The following INO80 variants were observed in gnomAD, a reference collection of about 807,000 sequenced individuals.
The protein encoded by INO80 is INO80 complex ATPase subunit, also known as chromatin-remodeling ATPase INO80.
A neutral mutation model predicts 203.4 loss-of-function variants in INO80; 20 were observed. That is an observed-to-expected ratio of 0.10 (90% CI 0.07 to 0.14). INO80 has a LOEUF of 0.14. Among genes scored for constraint, INO80 ranks in the 10% least tolerant of loss-of-function variants. The pLI, the probability that INO80 is intolerant of heterozygous loss-of-function variation, is 1.00. For synonymous variants in INO80, 726 were observed against 685.2 expected (o/e 1.06, Z -0.93); for missense variants, 1,419 against 1,914.4 (o/e 0.74, Z 4.83).
chr15:41,026,953 C>A (rs1029521409), intron 25 of INO80, among the ~76,000 whole-genome samples: 1 of 152,218 alleles, frequency 6.6e-6, no homozygotes, highest in Non-Finnish European at 1.5e-5. Flanking sequence ...AGGAAGGATG[C>A]AGACAACTGC....
At chr15:41,080,370 C>T (rs2045467889) in intron 8 of INO80, among the ~76,000 whole-genome samples, 1 of 152,080 alleles carries the variant, frequency 6.6e-6, no homozygotes, top group Non-Finnish European at 1.5e-5. Flanking sequence ...ATAACATGGC[C>T]TAATCTGATC....
At chr15:41,108,465 G>T (rs1167601478) in intron 1 of INO80, among the ~76,000 whole-genome samples, 1 of 151,750 alleles carries the variant, frequency 6.6e-6, no homozygotes. Flanking sequence ...GGTGGTGGGC[G>T]CTTGTAGTCC....
intron 13 of INO80, 149 bp downstream of exon 13, chr15:41,070,318 T>C (rs570069397): frequency 4.4e-6 from 3 of 680,232 alleles, no homozygotes; most frequent in South Asian, 1.9e-5. Context: ...TATAAAACAC[T>C]GTCCCCTTAT....
chr15:41,010,277 C>T (rs919369226), intron 27 of INO80, among the ~76,000 whole-genome samples: 1 of 152,142 alleles, frequency 6.6e-6, no homozygotes, highest in African/African-American at 2.4e-5. Context: ...TTATGGCAAC[C>T]TTTAAGGTAG....
At chr15:41,115,793 C>A (rs1425148261) in intron 1 of INO80, among the ~76,000 whole-genome samples, 180 bp downstream of exon 1, 1 of 152,214 alleles carries the variant, frequency 6.6e-6, no homozygotes, top group Non-Finnish European at 1.5e-5. Context: ...GGCCCTAGTC[C>A]CTGAGGTCCC....
intron 1 of INO80, among the ~76,000 whole-genome samples, chr15:41,100,316 C>T (rs1389782999): frequency 1.3e-5 from 2 of 152,118 alleles, no homozygotes; most frequent in African/African-American, 2.4e-5. Flanking sequence ...CCTCGTGATT[C>T]GCCCGCCTCG....
intron 32 of INO80, 89 bp from the exon 33 acceptor site, chr15:40,984,441 T>C: frequency 8.0e-7 from 1 of 1,252,740 alleles, no homozygotes; most frequent in Non-Finnish European, 1.1e-6. Flanking sequence ...AACAGAACTT[T>C]TATTCTTTAG....
Position 41,054,009 on chromosome 15 carries a change from G to T in INO80, c.2194C>A (p.Leu732Ile), listed in dbSNP as rs1053062589. The change falls in exon 19 of 36, where the codon CTT becomes ATT. Residue 732 changes from leucine (L) to isoleucine (I), a missense_variant. Coordinates refer to ENST00000648947, the MANE Select transcript of INO80 (RefSeq NM_017553.3). ...ENKSAIDENQ[L>I]SRLHMILKPF... is the part of the protein sequence containing the mutation. ...TTCAAAATCATGTGTAAGCGAGAAAGTTGATCTGAAATGCCGGGAGGCCCC... is the reference window on the plus strand; with the variant it reads ...TTCAAAATCATGTGTAAGCGAGAAATTTGATCTGAAATGCCGGGAGGCCCC... 3 of 1,613,472 alleles carry T rather than the reference G, an allele frequency of 1.9e-6. No individual in the cohort carries two copies. Among genetic ancestry groups the T allele is most frequent in the Non-Finnish European group, 2.5e-6 (3 of 1,179,656 alleles).
chr15:41,056,160 G>T (rs960432203), intron 17 of INO80, among the ~76,000 whole-genome samples: 1 of 151,760 alleles, frequency 6.6e-6, no homozygotes, highest in African/African-American at 2.4e-5. Context: ...TGCCCAGGCT[G>T]GTCTTGAACT....
At chr15:41,024,085 T>C (rs570446396) in intron 25 of INO80, among the ~76,000 whole-genome samples, 1 of 152,270 alleles carries the variant, frequency 6.6e-6, no homozygotes, top group South Asian at 2.1e-4. Context: ...TTTCCAGTTA[T>C]AAACTTTCAT....
At chr15:40,993,189 T>C (rs2043837839) in intron 29 of INO80, among the ~76,000 whole-genome samples, 2 of 152,188 alleles carry the variant, frequency 1.3e-5, no homozygotes, top group East Asian at 1.9e-4. Context: ...TGCTTCTTTG[T>C]GGCTGGCAGG....
At chr15:40,993,234 C>G (rs1480768623) in intron 29 of INO80, among the ~76,000 whole-genome samples, 2 of 152,124 alleles carry the variant, frequency 1.3e-5, no homozygotes, top group Admixed American at 6.5e-5. Flanking sequence ...ACTATGTGAA[C>G]CTTGGAAGCA....
chr15:41,110,801 T>C (rs1173623006), intron 1 of INO80, among the ~76,000 whole-genome samples: 6 of 152,230 alleles, frequency 3.9e-5, no homozygotes, highest in South Asian at 2.1e-4. Context: ...AAAAACATGA[T>C]TGAACTTCAT....
chr15:40,999,965 G>A (rs1015709385), intron 28 of INO80, among the ~76,000 whole-genome samples: 30 of 152,206 alleles, frequency 2.0e-4, no homozygotes, highest in Admixed American at 1.8e-3. Flanking sequence ...AGGCATGGTG[G>A]CACACACCTG....
At chr15:41,002,847 G>T (rs1017603769) in intron 28 of INO80, among the ~76,000 whole-genome samples, 1 of 152,252 alleles carries the variant, frequency 6.6e-6, no homozygotes, top group African/African-American at 2.4e-5. Context: ...GCTCACGCCT[G>T]TAATCCCAGC....
Position 41,087,601 on chromosome 15 carries a change from G to C in INO80, c.619C>G (p.Pro207Ala). ...FYEQQRHLLG[P>A]KKKKFKEEKK... ...TCCTCCTTAAATTTCTTTTTCTTGG[G>C]TCCAAGTAGGTGCCGTTGTTGCTCA... is the stretch of plus-strand genomic sequence containing the variant. Residue 207 changes from proline to alanine, a missense_variant, in exon 6 of 36, where the codon CCC becomes GCC. By Grantham distance (27) the Pro-to-Ala change is conservative (BLOSUM62 -1). Around this residue, in one of 9 missense-constraint regions of INO80, gnomAD observed 323 missense variants for 325.4 expected, o/e 0.99. Coordinates refer to ENST00000648947, the MANE Select transcript of INO80 (RefSeq NM_017553.3). 1 of 1,613,764 alleles carries C rather than the reference G, an allele frequency of 6.2e-7. No homozygotes were observed. The highest frequency in any genetic ancestry group is 2.2e-5 in the East Asian group (1 of 44,866).
chr15:41,007,379 C>T (rs1297206354), intron 27 of INO80, among the ~76,000 whole-genome samples: 3 of 151,742 alleles, frequency 2.0e-5, no homozygotes, highest in Non-Finnish European at 4.4e-5. Context: ...GATGGGGTTT[C>T]GCCATGTTGG....
At chr15:41,069,085 G>T (rs2045269869) in intron 14 of INO80, among the ~76,000 whole-genome samples, 1 of 152,170 alleles carries the variant, frequency 6.6e-6, no homozygotes, top group African/African-American at 2.4e-5. Flanking sequence ...GTTCCCAGCA[G>T]TAAGTTTTAT....
intron 29 of INO80, among the ~76,000 whole-genome samples, chr15:40,988,808 A>AT (rs1566900673): frequency 6.6e-6 from 1 of 152,222 alleles, no homozygotes; most frequent in African/African-American, 2.4e-5. Flanking sequence ...TGAGGTCAGG[A>AT]GTTTGAGACC....
Sources: gnomAD v4.1 joint callset for allele counts (sites outside exome capture counted in the v4.1 genomes callset) on GRCh38, gnomAD v4.1.1 for gene constraint, gnomAD v4.1.1 regional missense constraint, MANE v1.5 for transcripts, NCBI Gene and HGNC (gene_info 2026-07-23, HGNC 2026-07-21) for gene names.